KAT2B: variants seen among roughly 807,000 people sequenced by gnomAD.
The protein encoded by KAT2B is lysine acetyltransferase 2B.
In KAT2B, 36 loss-of-function variants were observed where a neutral mutation model predicts 105.9. The ratio of observed to expected loss-of-function variants is 0.34; its 90% CI spans 0.26 to 0.45. The LOEUF is 0.45. KAT2B is among the 20% of genes least tolerant of loss of function. KAT2B has a pLI of 1.00. For synonymous variants in KAT2B, 397 were observed against 377.9 expected (o/e 1.05, Z -0.59); for missense variants, 820 against 1,021.6 (o/e 0.80, Z 2.69).
intron 2 of KAT2B, among the ~76,000 whole-genome samples, chr3:20,082,891 A>C (rs186450404): frequency 1.3e-4 from 20 of 152,206 alleles, no homozygotes; most frequent in Non-Finnish European, 2.6e-4. Context: ...AAACCAAGCA[A>C]AGGAACTCAA....
At position 20,125,993 on chromosome 3, in the gene KAT2B, A is replaced by G. The variant is rs1262276095; in HGVS notation, c.1502A>G (p.Asn501Ser). ...GTAATTGAATTTCACGTGGTTGGCAATTCCCTCAACCAGAAACCAAACAAG... is the reference window on the plus strand; with the variant it reads ...GTAATTGAATTTCACGTGGTTGGCAGTTCCCTCAACCAGAAACCAAACAAG... ...RGVIEFHVVG[N>S]SLNQKPNKKI... The change falls in exon 10 of 18, where the codon AAT becomes AGT. Residue 501 changes from asparagine to serine, a missense_variant. Asn to Ser is a conservative substitution (Grantham distance 46). This residue lies in a region of KAT2B where 225 missense variants were observed against 268.1 expected (regional missense o/e 0.84). Coordinates refer to ENST00000263754, the MANE Select transcript of KAT2B (RefSeq NM_003884.5). 1.1e-5 allele frequency: 17 copies of G among 1,613,834 alleles called. No homozygotes were observed. The highest frequency in any genetic ancestry group is 1.3e-5 in the Non-Finnish European group (15 of 1,179,954).
intron 1 of KAT2B, among the ~76,000 whole-genome samples, chr3:20,062,047 AC>A (rs1216187465): frequency 9.9e-6 from 1 of 101,000 alleles, no homozygotes; most frequent in Non-Finnish European, 1.8e-5. Flanking sequence ...TATATATAAA[AC>A]ATATAATATA....
At chr3:20,144,049 T>C (rs1311983212) in intron 13 of KAT2B, among the ~76,000 whole-genome samples, 1 of 152,006 alleles carries the variant, frequency 6.6e-6, no homozygotes, top group Non-Finnish European at 1.5e-5. Flanking sequence ...AGATCTCTTC[T>C]CCATACTGAT....
In KAT2B at chr3:20,119,600, A is replaced by G. The variant is rs150650600; in HGVS notation, c.1153A>G (p.Ile385Val). 2.8e-4 allele frequency: 451 copies of G among 1,613,918 alleles called. 2 individuals are homozygous for G. The highest frequency in any genetic ancestry group is 3.2e-4 in the Non-Finnish European group (383 of 1,179,924). The change falls in exon 8 of 18, where the codon ATC (isoleucine) becomes GTC (valine). Residue 385 changes from isoleucine (I) to valine (V), a missense_variant and splice_region_variant. By Grantham distance (29) the Ile-to-Val change is conservative. This residue lies in a region of KAT2B where 225 missense variants were observed against 268.1 expected (regional missense o/e 0.84). Coordinates refer to ENST00000263754, the MANE Select transcript of KAT2B (RefSeq NM_003884.5). ...RTSQLGIQTV[I>V]NPPPVAGTIS... ...TTCTTCTCCTTTTGCCGGGGCAGTTATCAATCCACCTCCTGTGGCTGGGAC... is the reference window on the plus strand; with the variant it reads ...TTCTTCTCCTTTTGCCGGGGCAGTTGTCAATCCACCTCCTGTGGCTGGGAC...
In KAT2B at chr3:20,152,668, C is replaced by T. The variant is rs1699889960; in HGVS notation, c.*143C>T. 1.8e-6 allele frequency: 1 copy of T among 559,062 alleles called. No individual in the cohort carries two copies. The highest frequency in any genetic ancestry group is 3.1e-5 in the Admixed American group (1 of 32,046). The allele number at this position is 559,062 out of a possible 1,614,324, so 34.6% of individuals were successfully genotyped here. On this transcript the variant is annotated 3_prime_UTR_variant, in exon 18 of 18. Transcript: ENST00000263754. ...TAGCACTTTTGAAAAAACAAAAAAC[C>T]TCCTTTTAGCTTTTCAGATATGTAT... is the stretch of plus-strand genomic sequence containing the variant.
intron 2 of KAT2B, among the ~76,000 whole-genome samples, chr3:20,086,821 T>G (rs1698625576): frequency 2.0e-5 from 1 of 51,226 alleles, no homozygotes; most frequent in Non-Finnish European, 3.2e-5. Flanking sequence ...AGATGGAGTC[T>G]CGCAGGCTGG....
intron 7 of KAT2B, among the ~76,000 whole-genome samples, chr3:20,116,540 T>A (rs183055950): frequency 4.0e-4 from 61 of 152,294 alleles, no homozygotes; most frequent in African/African-American, 1.4e-3. Flanking sequence ...TTGGGACTTT[T>A]AAAAAGCTCC....
Position 20,111,660 on chromosome 3 carries a change from G to A in KAT2B, c.916G>A (p.Val306Met). Residue 306 changes from valine (V) to methionine (M), a missense_variant, in exon 6 of 18, where the codon GTG (valine) becomes ATG (methionine). Around this residue, in one of 6 missense-constraint regions of KAT2B, gnomAD observed 173 missense variants for 249.5 expected, o/e 0.69. Coordinates refer to ENST00000263754, the MANE Select transcript of KAT2B (RefSeq NM_003884.5). Reference protein sequence around the residue: ...DSLPRYETTQVFGRTLLRSVF... With the variant: ...DSLPRYETTQMFGRTLLRSVF... ...TCTACCTCGGTACGAAACCACACAG[G>A]TGTTTGGGAGAACATTGCTTCGCTC... 6.2e-7 allele frequency: 1 copy of A among 1,614,058 alleles called. No individual in the cohort carries two copies. The highest frequency in any genetic ancestry group is 8.5e-7 in the Non-Finnish European group (1 of 1,179,946).
Position 20,148,455 on chromosome 3 carries a change from C to G in KAT2B, c.2273C>G (p.Pro758Arg). 1 of 1,608,610 alleles carries G rather than the reference C, an allele frequency of 6.2e-7. No homozygotes were observed. The highest frequency in any genetic ancestry group is 8.5e-7 in the Non-Finnish European group (1 of 1,178,580). ...GAACCTGTGAAGAGAACAGAAGCTCCAGGATATTATGAAGTTATAAGGTTC... is the reference window on the plus strand; with the variant it reads ...GAACCTGTGAAGAGAACAGAAGCTCGAGGATATTATGAAGTTATAAGGTTC... Reference protein sequence around the residue: ...FMEPVKRTEAPGYYEVIRFPM... With the variant: ...FMEPVKRTEARGYYEVIRFPM... The change falls in exon 17 of 18, where the codon CCA becomes CGA. Residue 758 changes from proline to arginine, a missense_variant. Physicochemically the swap from Pro to Arg is moderately radical, Grantham distance 103. Coordinates refer to ENST00000263754, the MANE Select transcript of KAT2B (RefSeq NM_003884.5).
chr3:20,115,029 G>C, intron 7 of KAT2B, 41 bp downstream of exon 7: 1 of 1,267,034 alleles, frequency 7.9e-7, no homozygotes, highest in Admixed American at 1.7e-5. Flanking sequence ...AACCAGGGAG[G>C]CCAACCTGAA....
At chr3:20,100,194 A>G (rs187121035) in intron 4 of KAT2B, among the ~76,000 whole-genome samples, 230 of 152,348 alleles carry the variant, frequency 1.5e-3, no homozygotes, top group African/African-American at 5.3e-3. Flanking sequence ...TTTGGGGAAG[A>G]AAAACATTAA....
chr3:20,058,999 G>A (rs1281335452), intron 1 of KAT2B, among the ~76,000 whole-genome samples: 1 of 152,156 alleles, frequency 6.6e-6, no homozygotes, highest in Non-Finnish European at 1.5e-5. Flanking sequence ...GTAGATTGGA[G>A]TTTGAGAAGC....
Position 20,111,803 on chromosome 3 carries a change from TG to T in KAT2B, c.1043+17del. 6.2e-7 allele frequency: 1 copy of T among 1,602,402 alleles called. No homozygotes were observed. Among genetic ancestry groups the T allele is most frequent in the Non-Finnish European group, 8.5e-7 (1 of 1,173,200 alleles). On this transcript the variant is annotated intron_variant, in intron 6 of 17. Transcript: ENST00000263754. ...ATTTCCCAAAGTAAGGGAGAGTTTT[TG>T]CTGGTCTTTGTTTGATCCCAGAGCT...
At chr3:20,040,908 A>G in intron 1 of KAT2B, 128 bp downstream of exon 1, 1 of 1,170,660 alleles carries the variant, frequency 8.5e-7, no homozygotes, top group Non-Finnish European at 1.1e-6. Context: ...GGGCCGCTGC[A>G]CCGCGGAAGT....
At chr3:20,114,457 G>A (rs537657820) in intron 6 of KAT2B, among the ~76,000 whole-genome samples, 1 of 152,122 alleles carries the variant, frequency 6.6e-6, no homozygotes, top group Non-Finnish European at 1.5e-5. Flanking sequence ...TAACTCATAG[G>A]GTTGATGTGA....
intron 11 of KAT2B, among the ~76,000 whole-genome samples, chr3:20,127,831 G>A (rs1032643671): frequency 1.3e-5 from 2 of 152,310 alleles, no homozygotes; most frequent in Middle Eastern, 3.4e-3. Flanking sequence ...ATTCTCATAA[G>A]GAGCATGCAA....
At chr3:20,123,638 CT>C in intron 9 of KAT2B, among the ~76,000 whole-genome samples, 1 of 152,204 alleles carries the variant, frequency 6.6e-6, no homozygotes, top group South Asian at 2.1e-4. Flanking sequence ...CAGTTATAAC[CT>C]TTGTTGTTGT....
intron 1 of KAT2B, among the ~76,000 whole-genome samples, chr3:20,071,070 TTAA>T (rs1698313909): frequency 6.6e-6 from 1 of 151,718 alleles, no homozygotes; most frequent in Non-Finnish European, 1.5e-5. Context: ...TAAGTCAATA[TTAA>T]TAATATCTTT....
chr3:20,128,334 G>A (rs1575150453), intron 11 of KAT2B, among the ~76,000 whole-genome samples: 1 of 152,316 alleles, frequency 6.6e-6, no homozygotes, highest in East Asian at 1.9e-4. Flanking sequence ...ACTTCAGAAA[G>A]ATTTCTTATG....
Sources: gnomAD v4.1 joint callset for allele counts (sites outside exome capture counted in the v4.1 genomes callset) on GRCh38, gnomAD v4.1.1 for gene constraint, gnomAD v4.1.1 regional missense constraint, MANE v1.5 for transcripts, NCBI Gene and HGNC (gene_info 2026-07-23, HGNC 2026-07-21) for gene names.